The following TFAP2E variants were observed in gnomAD, a reference collection of about 807,000 sequenced individuals.
TFAP2E encodes the protein transcription factor AP-2-epsilon.
A neutral mutation model predicts 37.9 loss-of-function variants in TFAP2E; 30 were observed. The ratio of observed to expected loss-of-function variants is 0.79; its 90% CI spans 0.59 to 1.07. The LOEUF (loss-of-function observed/expected upper bound fraction) is 1.07. Among genes scored for constraint, TFAP2E ranks in the 50% least tolerant of loss-of-function variants. TFAP2E has a pLI of 0.00. For missense variants in TFAP2E, 567 were observed against 637.9 expected (o/e 0.89, Z 1.20); for synonymous variants, 318 against 295.8 (o/e 1.08, Z -0.77).
intron 3 of TFAP2E, 63 bp downstream of exon 3, chr1:35,575,063 C>A (rs1649131338): frequency 6.2e-7 from 1 of 1,600,312 alleles, no homozygotes; most frequent in South Asian, 1.1e-5. Context: ...TGCACAGATC[C>A]ATTTTCTTCA....
intron 4 of TFAP2E, 89 bp from the exon 5 acceptor site, chr1:35,589,841 G>A (rs1164599674): frequency 7.3e-7 from 1 of 1,370,728 alleles, no homozygotes; most frequent in Non-Finnish European, 1.0e-6. Flanking sequence ...GGCTGGTGGA[G>A]GCAACAAGGC....
chr1:35,574,002 G>A lies in TFAP2E; in HGVS notation c.103G>A (p.Ala35Thr). The stretch of plus-strand genomic sequence containing the variant: ...TCTGCCCCAGGCGGCCTACGGGCCG[G>A]CGCCCCCGCTCTGCCACACGCCGGC... Reference protein sequence around the residue: ...SSLPQAAYGPAPPLCHTPAAT... With the variant: ...SSLPQAAYGPTPPLCHTPAAT... The change falls in exon 2 of 7, where the codon GCG becomes ACG. Residue 35 changes from alanine (A) to threonine (T), a missense_variant. By Grantham distance (58) the Ala-to-Thr change is moderately conservative (BLOSUM62 0). Coordinates refer to ENST00000373235, the MANE Select transcript of TFAP2E (RefSeq NM_178548.4). 4 of 1,484,572 alleles carry A rather than the reference G, an allele frequency of 2.7e-6. No homozygotes were observed. Among genetic ancestry groups the A allele is most frequent in the Non-Finnish European group, 3.6e-6 (4 of 1,125,646 alleles). The allele number at this position is 1,484,572 out of a possible 1,614,324, so 92.0% of individuals were successfully genotyped here. A position where few individuals can be genotyped will look rare whatever the true frequency, so the allele number is the denominator to read the frequency against.
Position 35,584,096 on chromosome 1 carries a change from C to T in TFAP2E, c.563-4234C>T, listed in dbSNP as rs369267510. Among the ~76,000 whole-genome samples, 37 of 152,114 alleles carry T rather than the reference C, an allele frequency of 2.4e-4. 1 individual carries two copies. The highest frequency in any genetic ancestry group is 1.5e-3 in the East Asian group (8 of 5,202). ...CACAAGGGCATACAGTTCTTGTATA[C>T]AGTCATCCTTTTTTATTTTTTTTGA... On this transcript the variant is annotated intron_variant, in intron 3 of 6. Transcript: ENST00000373235.
chr1:35,577,310 A>G lies in TFAP2E; in HGVS notation c.562+2310A>G. On this transcript the variant is annotated intron_variant, in intron 3 of 6. Transcript: ENST00000373235. This position sits in a 1 kb window ranked among gnomAD's most constrained non-coding sequence, Gnocchi z 6.3. ...CCCCACACCTGCCCTCGGCGCCCCC[A>G]GCAGTTTTCACCTTGGCCCTCCGCG... 2.2e-6 allele frequency: 1 copy of G among 452,926 alleles called. No individual in the cohort carries two copies. Among genetic ancestry groups the G allele is most frequent in the Non-Finnish European group, 4.5e-6 (1 of 224,472 alleles). 28.1% of individuals were successfully genotyped at this position (452,926 alleles called of 1,614,324 possible).
intron 3 of TFAP2E, among the ~76,000 whole-genome samples, chr1:35,587,787 C>G (rs1156569552): frequency 6.6e-6 from 1 of 151,990 alleles, no homozygotes; most frequent in Non-Finnish European, 1.5e-5. Flanking sequence ...CGCAGAGTGA[C>G]TTGGCAGGAA....
rs765515395 is a variant in TFAP2E at position 35,590,022 on chromosome 1, T to C, written c.878T>C (p.Val293Ala). 2.2e-5 allele frequency: 35 copies of C among 1,613,980 alleles called. No homozygotes were observed. The highest frequency in any genetic ancestry group is 2.8e-5 in the Non-Finnish European group (33 of 1,179,986). Reference sequence around the variant, plus strand: ...GCTGGCCGTCGCAAGGCCGCCAATGTGACGCTGCTGACTTCGCTAGTGGAA... The same window carrying C: ...GCTGGCCGTCGCAAGGCCGCCAATGCGACGCTGCTGACTTCGCTAGTGGAA... ...LPAGRRKAAN[V>A]TLLTSLVEGE... The change falls in exon 5 of 7, where the codon GTG (valine) becomes GCG (alanine). Residue 293 changes from valine (V) to alanine (A), a missense_variant. This residue lies in a region of TFAP2E where 252 missense variants were observed against 302.6 expected (regional missense o/e 0.83). Coordinates refer to ENST00000373235, the MANE Select transcript of TFAP2E (RefSeq NM_178548.4). The surrounding 1 kb of genome is among the most constrained non-coding windows in gnomAD (Gnocchi z 6.2).
Position 35,574,200 on chromosome 1 carries a change from G to GCCGCGCCCCGCGCAGCCGC in TFAP2E, c.310_328dup (p.His110ProfsTer24). The GCCGCGCCCCGCGCAGCCGC allele has an allele frequency of 1.6e-6, 2 of 1,287,534 alleles. No individual in the cohort carries two copies. Among genetic ancestry groups the GCCGCGCCCCGCGCAGCCGC allele is most frequent in the Non-Finnish European group, 2.0e-6 (2 of 1,017,514 alleles). 79.8% of individuals were successfully genotyped at this position (1,287,534 alleles called of 1,614,324 possible). A position where few individuals can be genotyped will look rare whatever the true frequency, so the allele number is the denominator to read the frequency against. On this transcript the variant is annotated frameshift_variant, in exon 2 of 7. Coordinates refer to ENST00000373235, the MANE Select transcript of TFAP2E (RefSeq NM_178548.4). LOFTEE classifies it high-confidence loss of function. ...GCCGCAGCCTCCTCAGGCCGCCTGG[G>GCCGCGCCCCGCGCAGCCGC]CCGCGCCCCGCGCAGCCGCCCGCGC...
intron 3 of TFAP2E, among the ~76,000 whole-genome samples, chr1:35,583,240 C>G (rs1298378270): frequency 1.3e-5 from 2 of 152,094 alleles, no homozygotes; most frequent in Non-Finnish European, 2.9e-5. Flanking sequence ...GGTGTTGTAT[C>G]TAGGAACTCT....
chr1:35,586,048 CA>C (rs71657685), intron 3 of TFAP2E, among the ~76,000 whole-genome samples: 37,433 of 146,254 alleles, frequency 0.26, 9,377 homozygotes, highest in East Asian at 0.71. Context: ...GACCCTGTCT[CA>C]AAAAAAAAAA....
chr1:35,580,901 A>C (rs1018580686), intron 3 of TFAP2E, among the ~76,000 whole-genome samples: 2 of 152,206 alleles, frequency 1.3e-5, no homozygotes, highest in Non-Finnish European at 2.9e-5. Context: ...CCTAAAATTT[A>C]CACATTGTAA....
rs1487714746 is a variant in TFAP2E at position 35,574,344 on chromosome 1, G to A, written c.445G>A (p.Gly149Ser). ...GCACGGCCTGGCCGACGGCGCGCAC[G>A]GCCTGGCAGACGCACCTCTCGGCCT... ...LLHGLADGAH[G>S]LADAPLGLPG... The change falls in exon 2 of 7, where the codon GGC becomes AGC. Residue 149 changes from glycine to serine, a missense_variant. This residue lies in a region of TFAP2E where 312 missense variants were observed against 317.4 expected (regional missense o/e 0.98). Transcript: ENST00000373235. 17 of 1,446,144 alleles carry A rather than the reference G, an allele frequency of 1.2e-5. No homozygotes were observed. Among genetic ancestry groups the A allele is most frequent in the Non-Finnish European group, 1.5e-5 (17 of 1,111,208 alleles). 89.6% of individuals were successfully genotyped at this position (1,446,144 alleles called of 1,614,324 possible).
chr1:35,582,539 C>T (rs1272546005), intron 3 of TFAP2E, among the ~76,000 whole-genome samples: 16 of 148,882 alleles, frequency 1.1e-4, no homozygotes, highest in East Asian at 3.9e-4. Context: ...AACAGGGTCC[C>T]GCTATGTTGC....
chr1:35,578,599 A>G (rs1176750698), intron 3 of TFAP2E, among the ~76,000 whole-genome samples: 2 of 152,116 alleles, frequency 1.3e-5, no homozygotes, highest in Non-Finnish European at 2.9e-5. Context: ...TCAGCTGTCC[A>G]ATCTCAGGGG....
At chr1:35,586,813 G>A (rs1649492946) in intron 3 of TFAP2E, among the ~76,000 whole-genome samples, 1 of 152,124 alleles carries the variant, frequency 6.6e-6, no homozygotes, top group South Asian at 2.1e-4. Flanking sequence ...GCCAGGCTAC[G>A]GATCAGGCTA....
intron 3 of TFAP2E, among the ~76,000 whole-genome samples, chr1:35,586,839 G>T (rs952414359): frequency 4.6e-5 from 7 of 152,182 alleles, no homozygotes; most frequent in African/African-American, 1.7e-4. Context: ...TCCTACTTTT[G>T]TATTCCTCAG....
In TFAP2E at chr1:35,588,087, G is replaced by A. The variant is rs571805237; in HGVS notation, c.563-243G>A. On this transcript the variant is annotated intron_variant, in intron 3 of 6. Transcript: ENST00000373235. The surrounding 1 kb of genome is among the most constrained non-coding windows in gnomAD (Gnocchi z 5.1). ...GCATCCGCTAAAACACCAAGATTCC[G>A]CTGGAGCTGTTTGAGTTTAAGATAG... Among the ~76,000 whole-genome samples, 4 of 152,260 alleles carry A rather than the reference G, an allele frequency of 2.6e-5. No individual in the cohort carries two copies. Among genetic ancestry groups the A allele is most frequent in the East Asian group, 1.9e-4 (1 of 5,180 alleles).
Position 35,594,569 on chromosome 1 carries a change from T to C in TFAP2E, c.1222T>C (p.Tyr408His). The change falls in exon 7 of 7, where the codon TAT becomes CAT. Residue 408 changes from tyrosine (Y) to histidine (H), a missense_variant. Around this residue, in one of 3 missense-constraint regions of TFAP2E, gnomAD observed 252 missense variants for 302.6 expected, o/e 0.83. Transcript: ENST00000373235. Reference protein sequence around the residue: ...ICAALTAFQNYLLESLKGLDK... With the variant: ...ICAALTAFQNHLLESLKGLDK... The stretch of plus-strand genomic sequence containing the variant: ...TGCTGCCCTCACTGCCTTCCAGAAC[T>C]ATTTGCTGGAGTCACTCAAGGGGCT... 2 of 1,614,176 alleles carry C rather than the reference T, an allele frequency of 1.2e-6. No homozygotes were observed. The highest frequency in any genetic ancestry group is 1.6e-4 in the Middle Eastern group (1 of 6,062).
At chr1:35,582,064 C>T (rs1367597505) in intron 3 of TFAP2E, among the ~76,000 whole-genome samples, 1 of 152,042 alleles carries the variant, frequency 6.6e-6, no homozygotes, top group South Asian at 2.1e-4. Context: ...TTAGTTGAGA[C>T]GGGGTTTCAC....
rs1649770780 is a variant in TFAP2E at position 35,594,392 on chromosome 1, A to C, written c.1047-2A>C. The C allele has an allele frequency of 3.7e-6, 6 of 1,612,650 alleles. No homozygotes were observed. Among genetic ancestry groups the C allele is most frequent in the Non-Finnish European group, 5.1e-6 (6 of 1,179,734 alleles). On this transcript the variant is annotated splice_acceptor_variant, in intron 6 of 6. Coordinates refer to ENST00000373235, the MANE Select transcript of TFAP2E (RefSeq NM_178548.4). LOFTEE classifies it high-confidence loss of function. ...AACCTCTGACCCTCCTTCTCGCACC[A>C]GGCAGATCTGCAAGGAGTTTGCAGA...
Sources: allele counts gnomAD v4.1 joint callset (sites outside exome capture counted in the v4.1 genomes callset), GRCh38; gene constraint gnomAD v4.1.1; regional missense constraint gnomAD v4.1.1; non-coding constraint Gnocchi (gnomAD v3.1); transcripts MANE v1.5; gene names NCBI Gene and HGNC (gene_info 2026-07-23, HGNC 2026-07-21).